MAGI1: variants seen among roughly 807,000 people sequenced by gnomAD.
MAGI1 encodes membrane associated guanylate kinase, WW and PDZ domain containing 1.
MAGI1 carries 58 observed loss-of-function variants against 139.9 expected under a neutral mutation model. That is an observed-to-expected ratio of 0.41 (90% CI 0.34 to 0.52). The LOEUF is 0.52. MAGI1 is among the 20% of genes least tolerant of loss of function. The probability of loss-of-function intolerance (pLI) is 0.12; values close to 1 mark genes in which losing one functional copy is unlikely to be tolerated. For missense variants in MAGI1, 1,874 were observed against 1,901.6 expected (o/e 0.99, Z 0.27); for synonymous variants, 812 against 737.9 (o/e 1.10, Z -1.63).
intron 18 of MAGI1, among the ~76,000 whole-genome samples, chr3:65,373,943 C>G (rs1942247111): frequency 6.6e-6 from 1 of 152,158 alleles, no homozygotes; most frequent in African/African-American, 2.4e-5. Context: ...TTTGCATTTA[C>G]CTTTTCCGTA....
intron 2 of MAGI1, among the ~76,000 whole-genome samples, chr3:65,590,670 G>C (rs1186427099): frequency 7.9e-5 from 12 of 152,078 alleles, no homozygotes. Flanking sequence ...TCCTTGCAGA[G>C]AGCTAAGTCC....
At chr3:65,820,490 G>A (rs928417373) in intron 1 of MAGI1, among the ~76,000 whole-genome samples, 1 of 152,052 alleles carries the variant, frequency 6.6e-6, no homozygotes, top group South Asian at 2.1e-4. Context: ...GGAGTACTGC[G>A]TCCACCCTAC....
At position 65,516,963 on chromosome 3, in the gene MAGI1, C is replaced by T. The variant is rs1239387059; in HGVS notation, c.431-23332G>A. ...CGGGATGGTCTCGATCTCCTGACCT[C>T]GTGATCCGCCCGCCTCGGCCTCCCA... On this transcript the variant is annotated intron_variant, in intron 2 of 22. Coordinates refer to ENST00000402939, the MANE Select transcript of MAGI1 (RefSeq NM_001033057.2). Among the ~76,000 whole-genome samples, 6 of 150,784 alleles carry T rather than the reference C, an allele frequency of 4.0e-5. No individual in the cohort carries two copies. The East Asian group carries it at 9.9e-4, about 25-fold the overall frequency.
At chr3:65,760,434 G>T (rs2036921661) in intron 1 of MAGI1, among the ~76,000 whole-genome samples, 1 of 151,310 alleles carries the variant, frequency 6.6e-6, no homozygotes, top group African/African-American at 2.4e-5. Flanking sequence ...TGTCACCCAG[G>T]CTGGAGTGCA....
chr3:65,439,432 T>C (rs1948083307), intron 9 of MAGI1, among the ~76,000 whole-genome samples: 1 of 152,162 alleles, frequency 6.6e-6, no homozygotes, highest in Non-Finnish European at 1.5e-5. Context: ...GAGCATGAAT[T>C]AGTCTGTAAT....
chr3:65,666,912 G>A (rs1294710135), intron 1 of MAGI1, among the ~76,000 whole-genome samples: 2 of 152,090 alleles, frequency 1.3e-5, no homozygotes, highest in Non-Finnish European at 1.5e-5. Context: ...TGAGCGCTGC[G>A]CTTCAATACC....
At chr3:65,806,302 G>A (rs569564708) in intron 1 of MAGI1, among the ~76,000 whole-genome samples, 7 of 151,892 alleles carry the variant, frequency 4.6e-5, no homozygotes, top group Admixed American at 1.3e-4. Context: ...GGTAGTGTGC[G>A]CCTGTGGTCC....
chr3:65,700,781 A>G (rs548948888), intron 1 of MAGI1, among the ~76,000 whole-genome samples: 7 of 152,346 alleles, frequency 4.6e-5, no homozygotes, highest in Non-Finnish European at 7.3e-5. Context: ...CTCACATCCA[A>G]AAATTTCACC....
intron 22 of MAGI1, among the ~76,000 whole-genome samples, chr3:65,358,023 G>A (rs190329349): frequency 2.0e-5 from 3 of 152,224 alleles, no homozygotes; most frequent in East Asian, 3.9e-4. Flanking sequence ...AAAATTTTTG[G>A]TTTAGAGGCA....
At chr3:65,412,561 A>C (rs4128803) in intron 12 of MAGI1, among the ~76,000 whole-genome samples, 62,473 of 152,072 alleles carry the variant, frequency 0.41, 13,374 homozygotes, top group East Asian at 0.52. Flanking sequence ...TATCTGGTCA[A>C]CAGTTCAATA....
intron 1 of MAGI1, among the ~76,000 whole-genome samples, chr3:65,736,399 TAAG>T (rs1462056925): frequency 6.6e-6 from 1 of 152,154 alleles, no homozygotes; most frequent in East Asian, 1.9e-4. Flanking sequence ...TACAGATATA[TAAG>T]AAGAAGTTTA....
At chr3:65,950,444 G>A (rs935250255) in intron 1 of MAGI1, among the ~76,000 whole-genome samples, 10 of 152,020 alleles carry the variant, frequency 6.6e-5, no homozygotes, top group South Asian at 2.1e-4. Context: ...CCCCGCCCTC[G>A]CTGTTGAAGG....
chr3:65,511,443 T>G (rs2077586223), intron 2 of MAGI1, among the ~76,000 whole-genome samples: 1 of 114,052 alleles, frequency 8.8e-6, no homozygotes. Flanking sequence ...AGGCTCAAAA[T>G]AAAAGGATGG....
chr3:65,723,607 A>G (rs1174517222), intron 1 of MAGI1, among the ~76,000 whole-genome samples: 1 of 152,194 alleles, frequency 6.6e-6, no homozygotes, highest in Non-Finnish European at 1.5e-5. Flanking sequence ...TATAGATGTT[A>G]TATGTGTAAC....
chr3:65,388,631 G>T (rs1011278202), intron 14 of MAGI1, among the ~76,000 whole-genome samples: 2 of 152,004 alleles, frequency 1.3e-5, no homozygotes, highest in African/African-American at 4.8e-5. Flanking sequence ...TACCATGGGG[G>T]CCAGGGGGAG....
intron 2 of MAGI1, among the ~76,000 whole-genome samples, chr3:65,509,548 G>A (rs1559621709): frequency 1.3e-5 from 2 of 152,288 alleles, no homozygotes; most frequent in East Asian, 1.9e-4. Flanking sequence ...GGTGACGGAC[G>A]CACCTGGAAA....
intron 18 of MAGI1, among the ~76,000 whole-genome samples, chr3:65,367,242 T>C (rs1002615134): frequency 6.6e-6 from 1 of 152,188 alleles, no homozygotes; most frequent in African/African-American, 2.4e-5. Context: ...ACAGTTCTTG[T>C]GTGTTGTTGG....
chr3:65,992,094 G>C (rs926847339), intron 1 of MAGI1, among the ~76,000 whole-genome samples: 2 of 152,146 alleles, frequency 1.3e-5, no homozygotes, highest in African/African-American at 4.8e-5. Flanking sequence ...GCATGGAAGG[G>C]TTTGGGTGCC....
At chr3:65,942,196 G>A (rs2063346807) in intron 1 of MAGI1, among the ~76,000 whole-genome samples, 1 of 151,642 alleles carries the variant, frequency 6.6e-6, no homozygotes, top group Non-Finnish European at 1.5e-5. Context: ...TTACTTTAAT[G>A]GCTAATATAA....
Sources: gnomAD v4.1 joint callset for allele counts (sites outside exome capture counted in the v4.1 genomes callset) on GRCh38, gnomAD v4.1.1 for gene constraint, MANE v1.5 for transcripts, NCBI Gene and HGNC (gene_info 2026-07-23, HGNC 2026-07-21) for gene names.